Variants in KANSL1L observed in about 807,000 individuals in gnomAD.
The protein encoded by KANSL1L is KAT8 regulatory NSL complex subunit 1-like protein.
A neutral mutation model predicts 108.6 loss-of-function variants in KANSL1L; 25 were observed. That is an observed-to-expected ratio of 0.23 (90% CI 0.17 to 0.32). The LOEUF is 0.32. Ranked by LOEUF, KANSL1L falls within the 10% of genes least tolerant of loss-of-function variation. The pLI is 1.00. For missense variants in KANSL1L, 1,137 were observed against 1,125.7 expected, an observed-to-expected ratio of 1.01 and a Z score of -0.14; for synonymous variants, 405 against 395.1, an observed-to-expected ratio of 1.03 and a Z score of -0.30.
rs762627446 is a variant in KANSL1L at position 210,027,329 on chromosome 2, C to T, written c.2418G>A (p.Gln806=). 1.9e-6 allele frequency: 3 copies of T among 1,612,794 alleles called. No individual in the cohort carries two copies. Among genetic ancestry groups the T allele is most frequent in the Non-Finnish European group, 2.5e-6 (3 of 1,179,062 alleles). The part of the protein sequence containing the change: ...LTPSWRMVVL[Q]PLDEYNLGKE... Reference sequence around the variant, plus strand: ...TGCCTAAATTATATTCATCCAAAGGCTGAAGAACAACCATCCTCCAGCTGT... The same window carrying T: ...TGCCTAAATTATATTCATCCAAAGGTTGAAGAACAACCATCCTCCAGCTGT... The change falls in exon 12 of 15, where the codon CAG becomes CAA. Residue 806 remains glutamine, a synonymous_variant. Transcript: ENST00000281772.
intron 6 of KANSL1L, among the ~76,000 whole-genome samples, chr2:210,058,824 G>A (rs1449884305): frequency 2.5e-4 from 34 of 136,046 alleles, no homozygotes; most frequent in African/African-American, 9.1e-4. Flanking sequence ...GAGACAGAGC[G>A]AGACTCCGTC....
At chr2:210,133,166 G>A (rs1239459935) in intron 2 of KANSL1L, among the ~76,000 whole-genome samples, 1 of 151,960 alleles carries the variant, frequency 6.6e-6, no homozygotes, top group East Asian at 1.9e-4. Context: ...TGCGGAAATG[G>A]TCAAGTCCCT....
Position 210,069,286 on chromosome 2 carries a change from C to T in KANSL1L, c.1755+6266G>A, listed in dbSNP as rs546312884. On this transcript the variant is annotated intron_variant, in intron 6 of 14. Coordinates refer to ENST00000281772, the MANE Select transcript of KANSL1L (RefSeq NM_152519.4). ...GAAACTTCACTGAAGGCACCTTTAA[C>T]ATTCATGTTTCTAGCAAATTCTGTT... Among the ~76,000 whole-genome samples the T allele has an allele frequency of 3.9e-5, 6 of 152,296 alleles. No individual in the cohort carries two copies. The East Asian group carries it at 1.2e-3, about 29-fold the overall frequency.
intron 8 of KANSL1L, among the ~76,000 whole-genome samples, chr2:210,038,706 T>C (rs190092619): frequency 9.9e-5 from 15 of 152,100 alleles, no homozygotes. Flanking sequence ...TATCAGTTTT[T>C]AATTCTTCCA....
intron 1 of KANSL1L, among the ~76,000 whole-genome samples, chr2:210,167,070 C>T (rs528187651): frequency 6.6e-6 from 1 of 151,910 alleles, no homozygotes; most frequent in African/African-American, 2.4e-5. Context: ...TTCAAAGTTA[C>T]TGAATTGTAG....
At chr2:210,140,503 C>T (rs759769608) in intron 2 of KANSL1L, among the ~76,000 whole-genome samples, 1 of 152,172 alleles carries the variant, frequency 6.6e-6, no homozygotes, top group Non-Finnish European at 1.5e-5. Flanking sequence ...TATTCTGTTT[C>T]ATAGGCATAT....
intron 5 of KANSL1L, chr2:210,096,799 A>C (rs1387210837): frequency 1.1e-6 from 1 of 939,534 alleles, no homozygotes; most frequent in East Asian, 1.2e-4. Flanking sequence ...GAAAAAATAA[A>C]GCAAAACCAA....
chr2:210,032,634 C>T (rs2094035018), intron 8 of KANSL1L: 1 of 152,206 alleles, frequency 6.6e-6, no homozygotes, highest in Non-Finnish European at 1.5e-5. Context: ...AAGGCAATGC[C>T]CAGGTGCCCT....
At chr2:210,071,574 T>C (rs368879509) in intron 6 of KANSL1L, among the ~76,000 whole-genome samples, 3 of 152,114 alleles carry the variant, frequency 2.0e-5, no homozygotes, top group East Asian at 3.9e-4. Flanking sequence ...CGACCAAAGT[T>C]ACCCCTTTTT....
At chr2:210,146,340 G>A (rs1403429668) in intron 2 of KANSL1L, among the ~76,000 whole-genome samples, 1 of 152,014 alleles carries the variant, frequency 6.6e-6, no homozygotes, top group East Asian at 1.9e-4. Context: ...TTTTTGTTCG[G>A]GAGTGAAGAC....
At chr2:210,080,049 A>G (rs1575490115) in intron 5 of KANSL1L, among the ~76,000 whole-genome samples, 2 of 151,184 alleles carry the variant, frequency 1.3e-5, no homozygotes, top group East Asian at 2.0e-4. Flanking sequence ...CCTCATCCAC[A>G]TTTTCCCCTC....
intron 6 of KANSL1L, among the ~76,000 whole-genome samples, chr2:210,053,819 G>A (rs2094319323): frequency 6.6e-6 from 1 of 151,712 alleles, no homozygotes; most frequent in Admixed American, 6.6e-5. Flanking sequence ...TAATATATAT[G>A]TATATATCAG....
intron 1 of KANSL1L, among the ~76,000 whole-genome samples, chr2:210,162,652 T>C (rs1355297179): frequency 5.3e-5 from 8 of 150,172 alleles, no homozygotes; most frequent in African/African-American, 2.0e-4. Flanking sequence ...AACGTGGGGG[T>C]TTACTCACAT....
chr2:210,114,332 C>A (rs2094934774), intron 3 of KANSL1L, among the ~76,000 whole-genome samples: 1 of 151,840 alleles, frequency 6.6e-6, no homozygotes, highest in African/African-American at 2.4e-5. Flanking sequence ...AACAACAAAC[C>A]CTGGCCAACC....
chr2:210,124,195 C>T (rs2095045971), intron 3 of KANSL1L, among the ~76,000 whole-genome samples: 1 of 152,068 alleles, frequency 6.6e-6, no homozygotes, highest in African/African-American at 2.4e-5. Context: ...CCAACAACAA[C>T]CACATACAAA....
At chr2:210,161,115 A>G (rs1354562901) in intron 1 of KANSL1L, among the ~76,000 whole-genome samples, 3 of 151,702 alleles carry the variant, frequency 2.0e-5, no homozygotes, top group African/African-American at 4.8e-5. Context: ...CAGCCTCCCA[A>G]GTAGCTGGGA....
chr2:210,111,509 G>A (rs1295129425), intron 3 of KANSL1L, among the ~76,000 whole-genome samples: 5 of 152,106 alleles, frequency 3.3e-5, no homozygotes, highest in Admixed American at 1.3e-4. Flanking sequence ...CCGCAAAGAG[G>A]AAGGAATGAC....
intron 14 of KANSL1L, 125 bp from the exon 15 acceptor site, chr2:210,023,304 T>G: frequency 1.5e-6 from 1 of 682,268 alleles, no homozygotes; most frequent in Non-Finnish European, 2.5e-6. Context: ...AAATGTACAA[T>G]TTTTCATTTC....
rs1476897797 is a variant in KANSL1L, at chr2:210,025,108, T to A, written c.2560A>T (p.Ser854Cys). 1 of 1,594,842 alleles carries A rather than the reference T, an allele frequency of 6.3e-7. No homozygotes were observed. Among genetic ancestry groups the A allele is most frequent in the African/African-American group, 1.3e-5 (1 of 74,520 alleles). The change falls in exon 13 of 15, where the codon AGC becomes TGC. Residue 854 changes from serine (S) to cysteine (C), a missense_variant. Transcript: ENST00000281772. ...GGTTTTAAATTTGTAACCTGCCTGC[T>A]GTTTCTTCTGTGCCACTTGCTTTGC... ...WEQSKWHRRN[S>C]RAYSKNVEGQ...
Sources: gnomAD v4.1 joint callset for allele counts (sites outside exome capture counted in the v4.1 genomes callset) on GRCh38, gnomAD v4.1.1 for gene constraint, MANE v1.5 for transcripts, NCBI Gene and HGNC (gene_info 2026-07-23, HGNC 2026-07-21) for gene names.